C10orf90: variants seen among roughly 807,000 people sequenced by gnomAD.
The protein encoded by C10orf90 is (E2-independent) E3 ubiquitin-conjugating enzyme FATS.
Under a neutral mutation model 62.5 loss-of-function variants are expected in C10orf90, and 56 were observed. That is an observed-to-expected ratio of 0.90 (90% CI 0.72 to 1.12). C10orf90 has a LOEUF of 1.12. Ranked by LOEUF, C10orf90 falls within the 50% of genes most tolerant of loss-of-function variation. The pLI is 0.00. For synonymous variants in C10orf90, 386 were observed against 340.4 expected (o/e 1.13, Z -1.47); for missense variants, 970 against 880.4 (o/e 1.10, Z -1.29).
At chr10:126,565,216 T>TA (rs1564874205) in intron 2 of C10orf90, among the ~76,000 whole-genome samples, 969 of 26,888 alleles carry the variant, frequency 0.036, 250 homozygotes, top group Middle Eastern at 0.14. Flanking sequence ...TGTAATATAA[T>TA]TTTTATATTA....
intron 2 of C10orf90, among the ~76,000 whole-genome samples, chr10:126,641,543 T>C (rs948105495): frequency 2.6e-5 from 4 of 152,004 alleles, no homozygotes; most frequent in Admixed American, 6.6e-5. Context: ...CTTCATCATT[T>C]CCCTCTCTAT....
intron 2 of C10orf90, among the ~76,000 whole-genome samples, chr10:126,640,226 C>T (rs949103417): frequency 2.6e-5 from 4 of 152,232 alleles, no homozygotes; most frequent in Admixed American, 1.3e-4. Flanking sequence ...CAAGCCACTT[C>T]TGGGGGAGCC....
chr10:126,647,055 G>A lies in C10orf90; in HGVS notation c.241-418C>T, dbSNP rs77924918. Among the ~76,000 whole-genome samples the A allele has an allele frequency of 6.4e-3, 976 of 152,202 alleles. 6 individuals are homozygous for A. The highest frequency in any genetic ancestry group is 0.015 in the African/African-American group (610 of 41,524). ...AGCTATGAGCCATTCAATTTCAGGCGTTTAGGACCCAGTGAAAACAAGCAG... is the reference window on the plus strand; with the variant it reads ...AGCTATGAGCCATTCAATTTCAGGCATTTAGGACCCAGTGAAAACAAGCAG... On this transcript the variant is annotated intron_variant, in intron 1 of 9. Coordinates refer to ENST00000488181, the MANE Select transcript of C10orf90 (RefSeq NM_001350921.2).
chr10:126,513,894 T>G lies in C10orf90; in HGVS notation c.359A>C (p.Lys120Thr). 1 of 1,613,432 alleles carries G rather than the reference T, an allele frequency of 6.2e-7. No individual in the cohort carries two copies. Among genetic ancestry groups the G allele is most frequent in the Non-Finnish European group, 8.5e-7 (1 of 1,179,520 alleles). The change falls in exon 3 of 10, where the codon AAA (lysine) becomes ACA (threonine). Residue 120 changes from lysine to threonine, a missense_variant. Lys to Thr is a moderately conservative substitution (Grantham distance 78, BLOSUM62 -1). Coordinates refer to ENST00000488181, the MANE Select transcript of C10orf90 (RefSeq NM_001350921.2). ...YHSRRDQIAL[K>T]NLQSDVTEAK... ...CTCTGTGACATCAGACTGGAGATTT[T>G]TAAGGGCAATTTGATCTCTTCTACT...
chr10:126,458,958 A>G (rs1859766790), intron 7 of C10orf90, 82 bp downstream of exon 7: 2 of 1,411,488 alleles, frequency 1.4e-6, no homozygotes, highest in Non-Finnish European at 1.9e-6. Flanking sequence ...ATTTGGAGCC[A>G]TCACCCCTGA....
intron 4 of C10orf90, among the ~76,000 whole-genome samples, chr10:126,494,739 A>T (rs7093950): frequency 6.6e-6 from 1 of 152,186 alleles, no homozygotes; most frequent in East Asian, 1.9e-4. Context: ...ATAATGGACC[A>T]GTTTATATAC....
At chr10:126,596,310 A>AAT (rs1428415837) in intron 2 of C10orf90, among the ~76,000 whole-genome samples, 1 of 151,802 alleles carries the variant, frequency 6.6e-6, no homozygotes, top group Non-Finnish European at 1.5e-5. Context: ...CTCAAAAAAA[A>AAT]GTAAAAGAAA....
intron 2 of C10orf90, among the ~76,000 whole-genome samples, chr10:126,574,512 T>A (rs951028085): frequency 1.3e-5 from 2 of 152,058 alleles, no homozygotes; most frequent in African/African-American, 2.4e-5. Flanking sequence ...GCAAAAATTT[T>A]AAACAAAATA....
chr10:126,622,384 A>C (rs754751749), intron 2 of C10orf90, among the ~76,000 whole-genome samples: 1 of 152,164 alleles, frequency 6.6e-6, no homozygotes, highest in African/African-American at 2.4e-5. Context: ...GTGACCCAGA[A>C]AAAAGCCTCA....
chr10:126,640,804 C>A (rs1321744040), intron 2 of C10orf90, among the ~76,000 whole-genome samples: 1 of 152,188 alleles, frequency 6.6e-6, no homozygotes, highest in Non-Finnish European at 1.5e-5. Context: ...AAGGATAAAT[C>A]AGACTCTGAG....
At chr10:126,498,717 G>A (rs1301434289) in intron 4 of C10orf90, among the ~76,000 whole-genome samples, 2 of 152,234 alleles carry the variant, frequency 1.3e-5, no homozygotes, top group Non-Finnish European at 2.9e-5. Context: ...ACTGAAGAGA[G>A]CTGCCTCACC....
chr10:126,631,162 G>A (rs1007610269), intron 2 of C10orf90, among the ~76,000 whole-genome samples: 3 of 152,132 alleles, frequency 2.0e-5, no homozygotes, highest in African/African-American at 7.2e-5. Context: ...AAAGCAAAAC[G>A]AAGCCTGTCA....
At chr10:126,648,455 A>G (rs1449276750) in intron 1 of C10orf90, among the ~76,000 whole-genome samples, 1 of 152,264 alleles carries the variant, frequency 6.6e-6, no homozygotes, top group East Asian at 1.9e-4. Flanking sequence ...TTATAGCAGC[A>G]CAAAGAAGAC....
chr10:126,562,391 G>A (rs1864923319), intron 2 of C10orf90, among the ~76,000 whole-genome samples: 1 of 152,180 alleles, frequency 6.6e-6, no homozygotes, highest in Non-Finnish European at 1.5e-5. Flanking sequence ...TCACCAAGAC[G>A]AACCTGCTAA....
intron 2 of C10orf90, among the ~76,000 whole-genome samples, chr10:126,616,341 G>A (rs758251442): frequency 3.3e-5 from 5 of 152,178 alleles, no homozygotes; most frequent in Non-Finnish European, 5.9e-5. Flanking sequence ...TAGGAGAAAG[G>A]TTTTCAGGGC....
intron 2 of C10orf90, chr10:126,524,386 AGAG>A (rs1863870890): frequency 6.5e-6 from 1 of 152,676 alleles, no homozygotes. Context: ...TATGCCAGGA[AGAG>A]GAGGCACTCT....
intron 1 of C10orf90, among the ~76,000 whole-genome samples, chr10:126,649,924 TGGAA>T (rs952055241): frequency 2.8e-5 from 4 of 143,948 alleles, no homozygotes; most frequent in African/African-American, 1.0e-4. Flanking sequence ...GGAGAAAAGA[TGGAA>T]GGAAGGAAGG....
intron 9 of C10orf90, 29 bp from the exon 10 acceptor site, chr10:126,425,931 A>G (rs892714565): frequency 2.5e-6 from 4 of 1,614,004 alleles, no homozygotes; most frequent in African/African-American, 1.3e-5. Flanking sequence ...AAAGATGTCA[A>G]GTTGAGATTC....
At position 126,592,271 on chromosome 10, in the gene C10orf90, G is replaced by A. The variant is rs534109642; in HGVS notation, c.313+54294C>T. Among the ~76,000 whole-genome samples the A allele has an allele frequency of 1.2e-4, 18 of 152,240 alleles. No individual in the cohort carries two copies. The South Asian group carries it at 3.5e-3, about 30-fold the overall frequency. On this transcript the variant is annotated intron_variant, in intron 2 of 9. Coordinates refer to ENST00000488181, the MANE Select transcript of C10orf90 (RefSeq NM_001350921.2). ...TCTAAGCAAAAAGAAAAAGCTGGAG[G>A]CATCACACTACCCAACTTCAAACTA...
Sources: gnomAD v4.1 joint callset for allele counts (sites outside exome capture counted in the v4.1 genomes callset) on GRCh38, gnomAD v4.1.1 for gene constraint, MANE v1.5 for transcripts, NCBI Gene and HGNC (gene_info 2026-07-23, HGNC 2026-07-21) for gene names.